Variants in MYBPC1 observed in about 807,000 individuals in gnomAD.
The protein encoded by MYBPC1 is myosin-binding protein C, slow-type.
In MYBPC1, 52 loss-of-function variants were observed where a neutral mutation model predicts 147.1. That is an observed-to-expected ratio of 0.35 (90% CI 0.28 to 0.45). MYBPC1 has a LOEUF of 0.45. MYBPC1 is among the 20% of genes least tolerant of loss of function. The pLI is 1.00. For missense variants in MYBPC1, 1,228 were observed against 1,440.3 expected, an observed-to-expected ratio of 0.85 and a Z score of 2.39; for synonymous variants, 477 against 475.9, an observed-to-expected ratio of 1.00 and a Z score of -0.03.
intron 20 of MYBPC1, among the ~76,000 whole-genome samples, 188 bp downstream of exon 20, chr12:101,661,450 T>C (rs770480252): frequency 2.0e-5 from 3 of 152,242 alleles, no homozygotes; most frequent in Non-Finnish European, 4.4e-5. Context: ...ATAGCTCTGA[T>C]GAATATCATC....
At chr12:101,652,966 A>C in intron 17 of MYBPC1, 149 bp from the exon 18 acceptor site, 1 of 1,197,722 alleles carries the variant, frequency 8.3e-7, no homozygotes, top group South Asian at 1.4e-5. Flanking sequence ...TGGTTTTGCA[A>C]GGTGCCAGGC....
At chr12:101,610,389 C>G (rs575751635) in intron 1 of MYBPC1, among the ~76,000 whole-genome samples, 1 of 152,312 alleles carries the variant, frequency 6.6e-6, no homozygotes, top group East Asian at 1.9e-4. Flanking sequence ...CCTCTTCTGT[C>G]CAGTCCCCAG....
chr12:101,652,548 C>CTCTT, intron 16 of MYBPC1, 130 bp from the exon 17 acceptor site: 2 of 565,074 alleles, frequency 3.5e-6, no homozygotes, highest in Non-Finnish European at 6.6e-6. Flanking sequence ...CTCTCTCTTT[C>CTCTT]TCTCTCTCTC....
At chr12:101,617,003 T>C (rs1186105403) in intron 2 of MYBPC1, among the ~76,000 whole-genome samples, 199 bp from the exon 3 acceptor site, 1 of 152,230 alleles carries the variant, frequency 6.6e-6, no homozygotes, top group African/African-American at 2.4e-5. Flanking sequence ...TCAGATTAAT[T>C]GCTTTTCACT....
At chr12:101,675,547 T>A in intron 26 of MYBPC1, 116 bp downstream of exon 26, 2 of 1,468,290 alleles carry the variant, frequency 1.4e-6, no homozygotes, top group Admixed American at 3.4e-5. Flanking sequence ...GGAGAAGTGA[T>A]GTGGCAGAGC....
chr12:101,680,492 T>C lies in MYBPC1; in HGVS notation c.3396T>C (p.Leu1132=). The change falls in exon 29 of 32, where the codon CTT becomes CTC. Residue 1132 remains leucine, a synonymous_variant. Coordinates refer to ENST00000361466, the MANE Select transcript of MYBPC1 (RefSeq NM_002465.4). ...ACTGCTGCAAAGCAGTCAATGACCT[T>C]GGGACAGTGGAGATTGAATGCAAAC... is the stretch of plus-strand genomic sequence containing the variant. ...GTYCCKAVND[L]GTVEIECKLE... 1 of 1,614,144 alleles carries C rather than the reference T, an allele frequency of 6.2e-7. No homozygotes were observed. Among genetic ancestry groups the C allele is most frequent in the Non-Finnish European group, 8.5e-7 (1 of 1,179,990 alleles).
chr12:101,599,748 G>T (rs377710844), intron 1 of MYBPC1, among the ~76,000 whole-genome samples: 1 of 152,190 alleles, frequency 6.6e-6, no homozygotes, highest in East Asian at 1.9e-4. Context: ...GACTTCAAAT[G>T]GTTCATCGAG....
chr12:101,678,342 C>T (rs951446733), intron 28 of MYBPC1, 104 bp downstream of exon 28: 6 of 1,503,842 alleles, frequency 4.0e-6, no homozygotes, highest in African/African-American at 1.4e-5. Context: ...TTGTGTCTTC[C>T]CAGGATGGGG....
chr12:101,653,375 A>G (rs1216346399), intron 18 of MYBPC1, 127 bp downstream of exon 18: 1 of 1,262,146 alleles, frequency 7.9e-7, no homozygotes, highest in Non-Finnish European at 1.1e-6. Flanking sequence ...AGTACAGTAA[A>G]GATGTAATTC....
At chr12:101,620,994 T>C (rs1887240512) in intron 3 of MYBPC1, among the ~76,000 whole-genome samples, 1 of 152,346 alleles carries the variant, frequency 6.6e-6, no homozygotes, top group East Asian at 1.9e-4. Flanking sequence ...TTTTCATGAA[T>C]GTGACTGGCA....
chr12:101,693,167 C>T, the MYBPC1 span, among the ~76,000 whole-genome samples: 3 of 151,996 alleles, frequency 2.0e-5, no homozygotes, highest in Admixed American at 1.3e-4. Flanking sequence ...AGGATGGTCT[C>T]GATCTCCTGA....
chr12:101,603,527 C>G (rs534952600), intron 1 of MYBPC1, among the ~76,000 whole-genome samples: 1 of 152,068 alleles, frequency 6.6e-6, no homozygotes, highest in South Asian at 2.1e-4. Flanking sequence ...ATTTTTATGA[C>G]CCCACCTGGC....
At chr12:101,694,086 T>C in the MYBPC1 span, among the ~76,000 whole-genome samples, 82 of 152,346 alleles carry the variant, frequency 5.4e-4, 1 homozygote, top group South Asian at 0.016. Flanking sequence ...AGCCCTACCA[T>C]GCCTACCCAG....
At chr12:101,677,105 C>A in intron 26 of MYBPC1, 130 bp from the exon 27 acceptor site, 1 of 809,596 alleles carries the variant, frequency 1.2e-6, no homozygotes, top group Non-Finnish European at 2.0e-6. Flanking sequence ...TATTACTCTC[C>A]ATATAAAAAT....
intron 1 of MYBPC1, among the ~76,000 whole-genome samples, chr12:101,602,593 ATCTTGTCTGGCACAAGGTATTAAATGC>A (rs2135583277): frequency 6.6e-6 from 1 of 152,302 alleles, no homozygotes; most frequent in African/African-American, 2.4e-5. Flanking sequence ...AAACTCAGAA[ATCTTGTCTGGCACAAGGTATTAAATGC>A]CTCATATTTC....
chr12:101,673,078 G>T (rs1003482451), intron 24 of MYBPC1, among the ~76,000 whole-genome samples: 2 of 152,180 alleles, frequency 1.3e-5, no homozygotes, highest in African/African-American at 4.8e-5. Flanking sequence ...CCTGTGTTGT[G>T]CAGGCTTTTG....
chr12:101,625,207 C>T lies in MYBPC1; in HGVS notation c.104-1665C>T, dbSNP rs1226767699. On this transcript the variant is annotated intron_variant, in intron 3 of 31. Coordinates refer to ENST00000361466, the MANE Select transcript of MYBPC1 (RefSeq NM_002465.4). Reference sequence around the variant, plus strand: ...CTTAAAAAAAAAATAAATAAATAAACCTGGCAGCTATAGAATATACCAGGT... The same window carrying T: ...CTTAAAAAAAAAATAAATAAATAAATCTGGCAGCTATAGAATATACCAGGT... Among the ~76,000 whole-genome samples, 4 of 150,672 alleles carry T rather than the reference C, an allele frequency of 2.7e-5. No individual in the cohort carries two copies. The East Asian group carries it at 7.8e-4, about 30-fold the overall frequency.
At chr12:101,653,457 T>C (rs1328760958) in intron 18 of MYBPC1, among the ~76,000 whole-genome samples, 2 of 151,778 alleles carry the variant, frequency 1.3e-5, no homozygotes, top group African/African-American at 4.8e-5. Context: ...TATTTCTGAC[T>C]ATTATGTAGC....
downstream of MYBPC1, among the ~76,000 whole-genome samples, chr12:101,687,677 C>T (rs1053664452): frequency 4.6e-5 from 7 of 152,208 alleles, no homozygotes; most frequent in South Asian, 2.1e-4. Flanking sequence ...ACCCAGTCAA[C>T]GTGGTCCCTG....
Sources: allele counts gnomAD v4.1 joint callset (sites outside exome capture counted in the v4.1 genomes callset), GRCh38; gene constraint gnomAD v4.1.1; transcripts MANE v1.5; gene names NCBI Gene and HGNC (gene_info 2026-07-23, HGNC 2026-07-21).